The following VPS54 variants were observed in gnomAD, a reference collection of about 807,000 sequenced individuals.
VPS54 encodes VPS54 subunit of GARP complex.
VPS54 carries 45 observed loss-of-function variants against 121.5 expected under a neutral mutation model. The observed-to-expected ratio is 0.37, with a 90% CI of 0.29 to 0.47. The LOEUF is 0.47. Among genes scored for constraint, VPS54 ranks in the 20% least tolerant of loss-of-function variants. The pLI, the probability that VPS54 is intolerant of heterozygous loss-of-function variation, is 0.99. For synonymous variants in VPS54, 371 were observed against 385.8 expected (o/e 0.96, Z 0.45); for missense variants, 1,090 against 1,131.4 (o/e 0.96, Z 0.52).
intron 1 of VPS54, among the ~76,000 whole-genome samples, chr2:64,013,643 A>G (rs910644631): frequency 1.3e-4 from 19 of 145,598 alleles, no homozygotes; most frequent in Non-Finnish European, 2.2e-4. Context: ...AATATATATC[A>G]ATATATAGAT....
chr2:63,912,275 A>C (rs1673181362), intron 20 of VPS54, 70 bp downstream of exon 20: 19 of 1,244,178 alleles, frequency 1.5e-5, no homozygotes, highest in Non-Finnish European at 1.9e-5. Context: ...TTAATTTATA[A>C]AGTACTCCTT....
Position 63,899,470 on chromosome 2 carries a change from T to C in VPS54, c.2733+4A>G. 3 of 1,612,250 alleles carry C rather than the reference T, an allele frequency of 1.9e-6. No individual in the cohort carries two copies. Among genetic ancestry groups the C allele is most frequent in the Non-Finnish European group, 2.5e-6 (3 of 1,178,696 alleles). ...CATGAATAGTTTTAGGAATTACTTC[T>C]CACCTGTGTTTGTTCTTCTGGAAGG... On this transcript the variant is annotated splice_donor_region_variant and intron_variant, in intron 21 of 22. Coordinates refer to ENST00000272322, the MANE Select transcript of VPS54 (RefSeq NM_016516.3).
chr2:63,936,365 C>T (rs914132766), intron 11 of VPS54, among the ~76,000 whole-genome samples: 10 of 152,150 alleles, frequency 6.6e-5, no homozygotes, highest in Non-Finnish European at 1.0e-4. Flanking sequence ...ATAATACTTT[C>T]AACAGTAGAT....
At chr2:63,984,295 A>G (rs1676940923) in intron 1 of VPS54, among the ~76,000 whole-genome samples, 1 of 152,232 alleles carries the variant, frequency 6.6e-6, no homozygotes, top group South Asian at 2.1e-4. Context: ...AAGATTAAAA[A>G]CACTCTATTC....
chr2:63,915,151 CAAAAAA>C (rs5831674), intron 16 of VPS54, among the ~76,000 whole-genome samples: 28 of 23,846 alleles, frequency 1.2e-3, no homozygotes, highest in South Asian at 1.9e-3. Context: ...AGCTCCGTCT[CAAAAAA>C]AAAAAAAAAA....
At chr2:63,915,484 G>A (rs1024175029) in intron 16 of VPS54, among the ~76,000 whole-genome samples, 1 of 152,180 alleles carries the variant, frequency 6.6e-6, no homozygotes, top group Non-Finnish European at 1.5e-5. Flanking sequence ...ATGAGCATGA[G>A]TCCATTGCTT....
intron 1 of VPS54, among the ~76,000 whole-genome samples, chr2:64,014,052 G>A (rs535383067): frequency 1.1e-4 from 16 of 152,164 alleles, no homozygotes; most frequent in Admixed American, 5.9e-4. Flanking sequence ...TTTGCTGGGC[G>A]TAGTGACACG....
In VPS54 at chr2:63,947,508, T is replaced by C. The variant is rs143143965; in HGVS notation, c.1138-18A>G. 1.0e-5 allele frequency: 15 copies of C among 1,455,984 alleles called. No individual in the cohort carries two copies. The highest frequency in any genetic ancestry group is 2.4e-5 in the East Asian group (1 of 41,992). 90.2% of individuals were successfully genotyped at this position (1,455,984 alleles called of 1,614,324 possible). A position where few individuals can be genotyped will look rare whatever the true frequency, so the allele number is the denominator to read the frequency against. The stretch of plus-strand genomic sequence containing the variant: ...AGTCTTTCCTGTTAAAATAAAAGTA[T>C]GTAACTTGACATTTTAAATATGAAG... On this transcript the variant is annotated intron_variant, in intron 8 of 22. Transcript: ENST00000272322.
In VPS54 at chr2:63,962,178, T is replaced by G; in HGVS notation, c.890A>C (p.His297Pro). 2.5e-6 allele frequency: 4 copies of G among 1,613,990 alleles called. No homozygotes were observed. Among genetic ancestry groups the G allele is most frequent in the Non-Finnish European group, 2.5e-6 (3 of 1,179,870 alleles). Residue 297 changes from histidine (H) to proline (P), a missense_variant, in exon 7 of 23, where the codon CAC becomes CCC. His to Pro is a moderately conservative substitution (Grantham distance 77). Coordinates refer to ENST00000272322, the MANE Select transcript of VPS54 (RefSeq NM_016516.3). The stretch of plus-strand genomic sequence containing the variant: ...CACCTGTACTGTAGGCTGAGTCTGG[T>G]GTACAGTGGCCATTAACTTCAGCTT... ...YNKLKLMATV[H>P]QTQPTVQVLL...
chr2:63,987,363 G>A (rs932449531), intron 1 of VPS54, among the ~76,000 whole-genome samples: 1 of 152,150 alleles, frequency 6.6e-6, no homozygotes, highest in Non-Finnish European at 1.5e-5. Flanking sequence ...GATCACTGTA[G>A]ATGAATGGAT....
intron 1 of VPS54, among the ~76,000 whole-genome samples, chr2:63,984,300 CTATT>C (rs1676941251): frequency 1.3e-5 from 2 of 152,188 alleles, no homozygotes; most frequent in Non-Finnish European, 2.9e-5. Context: ...TAAAAACACT[CTATT>C]CATTCAGCAA....
At chr2:63,941,001 T>G (rs1674701121) in intron 11 of VPS54, among the ~76,000 whole-genome samples, 1 of 152,184 alleles carries the variant, frequency 6.6e-6, no homozygotes, top group African/African-American at 2.4e-5. Flanking sequence ...CTTACACATG[T>G]GACTTAGCAT....
At chr2:64,000,518 C>T (rs1677820701) in intron 1 of VPS54, among the ~76,000 whole-genome samples, 1 of 152,190 alleles carries the variant, frequency 6.6e-6, no homozygotes, top group African/African-American at 2.4e-5. Flanking sequence ...TTATCTGTAC[C>T]TGTCCTTCCT....
At position 64,019,236 on chromosome 2, in the gene VPS54, G is replaced by C. The variant is rs926386621; in HGVS notation, c.-319C>G. ...CCCCCGGGTCCGCAGCGCCGCCTCC[G>C]CCGCTGCTGCCACCGCCTCTCCCAC... On this transcript the variant is annotated 5_prime_UTR_variant, in exon 1 of 23. Transcript: ENST00000272322. Among the ~76,000 whole-genome samples, 1 of 150,202 alleles carries C rather than the reference G, an allele frequency of 6.7e-6. No homozygotes were observed. Among genetic ancestry groups the C allele is most frequent in the Non-Finnish European group, 1.5e-5 (1 of 67,168 alleles).
chr2:63,983,172 A>G (rs914622339), intron 2 of VPS54, among the ~76,000 whole-genome samples: 69 of 150,396 alleles, frequency 4.6e-4, no homozygotes, highest in African/African-American at 1.6e-3. Flanking sequence ...TTTTTTTGAG[A>G]AACAGTCTCG....
intron 12 of VPS54, among the ~76,000 whole-genome samples, chr2:63,930,098 G>C (rs1274993138): frequency 1.3e-5 from 2 of 151,888 alleles, no homozygotes; most frequent in African/African-American, 4.9e-5. Context: ...GGAAGAGCTA[G>C]TACCATTCCT....
Position 63,949,178 on chromosome 2 carries a change from A to G in VPS54, c.1011-15T>C. The G allele has an allele frequency of 1.9e-6, 3 of 1,599,770 alleles. No homozygotes were observed. Among genetic ancestry groups the G allele is most frequent in the Non-Finnish European group, 2.5e-6 (3 of 1,176,820 alleles). On this transcript the variant is annotated splice_polypyrimidine_tract_variant and intron_variant, in intron 7 of 22. Coordinates refer to ENST00000272322, the MANE Select transcript of VPS54 (RefSeq NM_016516.3). ...ATCCCAAATGCCTAAAAAGGAAGAG[A>G]AAAATGTTATATTTATATTCACTAA...
In VPS54 at chr2:63,898,783, T is replaced by TA. The variant is rs200391101; in HGVS notation, c.2733+690dup. Among the ~76,000 whole-genome samples the TA allele has an allele frequency of 8.8e-3, 1,285 of 145,222 alleles. 9 individuals carry two copies. The highest frequency in any genetic ancestry group is 0.022 in the East Asian group (108 of 4,986). Reference sequence around the variant, plus strand: ...TAGTTCAGAGGAAATAAGCTGAGATTAAAAAAAAAAACAAAACTGGTAAAA... The same window carrying TA: ...TAGTTCAGAGGAAATAAGCTGAGATTAAAAAAAAAAAACAAAACTGGTAAAA... On this transcript the variant is annotated intron_variant, in intron 21 of 22. Transcript: ENST00000272322.
chr2:64,001,447 T>C (rs1233462777), intron 1 of VPS54, among the ~76,000 whole-genome samples: 1 of 152,126 alleles, frequency 6.6e-6, no homozygotes, highest in Non-Finnish European at 1.5e-5. Context: ...AGTCTCTCAC[T>C]GTAGCCACTA....
Sources: allele counts gnomAD v4.1 joint callset (sites outside exome capture counted in the v4.1 genomes callset), GRCh38; gene constraint gnomAD v4.1.1; transcripts MANE v1.5; gene names NCBI Gene and HGNC (gene_info 2026-07-23, HGNC 2026-07-21).